The following CTNND2 variants were observed in gnomAD, a reference collection of about 807,000 sequenced individuals.
The protein encoded by CTNND2 is catenin delta 2.
Under a neutral mutation model 144.4 loss-of-function variants are expected in CTNND2, and 22 were observed. The ratio of observed to expected loss-of-function variants is 0.15; its 90% confidence interval spans 0.11 to 0.22. The LOEUF (loss-of-function observed/expected upper bound fraction) is 0.22. CTNND2 is among the 10% of genes least tolerant of loss of function. The pLI is 1.00. For synonymous variants in CTNND2, 751 were observed against 695.6 expected (o/e 1.08, Z -1.25); for missense variants, 1,353 against 1,618.8 (o/e 0.84, Z 2.82).
At chr5:11,314,075 G>A (rs559257120) in intron 9 of CTNND2, among the ~76,000 whole-genome samples, 1 of 152,252 alleles carries the variant, frequency 6.6e-6, no homozygotes, top group East Asian at 1.9e-4. Flanking sequence ...GGGACACAGA[G>A]TCAAACCATA....
chr5:11,475,268 G>A (rs181116556), intron 3 of CTNND2, among the ~76,000 whole-genome samples: 19 of 152,330 alleles, frequency 1.2e-4, no homozygotes, highest in Middle Eastern at 6.8e-3. Flanking sequence ...TCAAAGCTTG[G>A]TCAAGTAGCC....
At chr5:11,124,265 G>A (rs185389112) in intron 12 of CTNND2, among the ~76,000 whole-genome samples, 13 of 152,194 alleles carry the variant, frequency 8.5e-5, no homozygotes, top group African/African-American at 1.2e-4. Context: ...CAGCCAAATC[G>A]ATTATCAAGT....
At chr5:11,834,508 T>C (rs1419335539) in intron 1 of CTNND2, among the ~76,000 whole-genome samples, 1 of 152,154 alleles carries the variant, frequency 6.6e-6, no homozygotes, top group Non-Finnish European at 1.5e-5. Context: ...CCATAATATA[T>C]ACATGTAACA....
intron 3 of CTNND2, among the ~76,000 whole-genome samples, chr5:11,544,595 A>G (rs182108936): frequency 6.6e-6 from 1 of 152,392 alleles, no homozygotes; most frequent in East Asian, 1.9e-4. Flanking sequence ...GTGGAATACT[A>G]CTCAGCAAAA....
chr5:11,291,968 T>A (rs1290955460), intron 9 of CTNND2, among the ~76,000 whole-genome samples: 1 of 151,972 alleles, frequency 6.6e-6, no homozygotes, highest in East Asian at 1.9e-4. Flanking sequence ...AAATTCCACA[T>A]CCTGACCTAT....
intron 3 of CTNND2, among the ~76,000 whole-genome samples, chr5:11,552,001 C>T (rs1775806960): frequency 6.6e-6 from 1 of 152,128 alleles, no homozygotes; most frequent in South Asian, 2.1e-4. Flanking sequence ...TGATCCTGGC[C>T]TCAAGTGATC....
intron 2 of CTNND2, among the ~76,000 whole-genome samples, chr5:11,639,939 C>G (rs568101186): frequency 6.6e-6 from 1 of 152,270 alleles, no homozygotes; most frequent in East Asian, 1.9e-4. Flanking sequence ...CCCACAGAAC[C>G]TCAACAAGAG....
chr5:11,673,129 G>A (rs1783991614), intron 2 of CTNND2, among the ~76,000 whole-genome samples: 1 of 152,114 alleles, frequency 6.6e-6, no homozygotes, highest in South Asian at 2.1e-4. Context: ...ATACTCATGG[G>A]TTTTACAATC....
intron 20 of CTNND2, chr5:10,986,862 G>A (rs1481565488): frequency 3.2e-5 from 11 of 345,914 alleles, no homozygotes; most frequent in South Asian, 1.7e-4. Context: ...ATTTATCTTC[G>A]CTGTCCTGGT....
intron 2 of CTNND2, among the ~76,000 whole-genome samples, chr5:11,708,163 C>A (rs1350889532): frequency 1.3e-5 from 2 of 151,972 alleles, no homozygotes; most frequent in Non-Finnish European, 2.9e-5. Context: ...CCTCCCACTT[C>A]AGCCTCCCAA....
intron 2 of CTNND2, among the ~76,000 whole-genome samples, chr5:11,622,113 G>C (rs575527298): frequency 6.6e-6 from 1 of 152,202 alleles, no homozygotes; most frequent in Admixed American, 6.5e-5. Context: ...TAAGACAGAA[G>C]AACATCACCC....
chr5:11,313,909 G>C (rs571957261), intron 9 of CTNND2, among the ~76,000 whole-genome samples: 1 of 152,082 alleles, frequency 6.6e-6, no homozygotes, highest in Non-Finnish European at 1.5e-5. Flanking sequence ...CGAGCAAATG[G>C]GGAAGTGCCA....
chr5:11,070,105 G>A (rs986357640), intron 16 of CTNND2, among the ~76,000 whole-genome samples: 6 of 152,034 alleles, frequency 3.9e-5, no homozygotes, highest in Admixed American at 1.3e-4. Flanking sequence ...CAATATGACC[G>A]AAAATTAAGA....
intron 2 of CTNND2, among the ~76,000 whole-genome samples, chr5:11,651,413 T>C (rs781730158): frequency 1.3e-5 from 2 of 152,212 alleles, no homozygotes; most frequent in African/African-American, 4.8e-5. Context: ...ACAGCCATCA[T>C]AGAGAACTTC....
At chr5:11,038,103 C>T (rs936795770) in intron 16 of CTNND2, among the ~76,000 whole-genome samples, 4 of 152,136 alleles carry the variant, frequency 2.6e-5, no homozygotes, top group Admixed American at 1.3e-4. Flanking sequence ...ATGACAAGCT[C>T]ATTTAAAATG....
At chr5:11,316,825 A>AT (rs1030347149) in intron 9 of CTNND2, among the ~76,000 whole-genome samples, 3 of 152,006 alleles carry the variant, frequency 2.0e-5, no homozygotes, top group African/African-American at 7.3e-5. Context: ...TGAACTCATC[A>AT]TTTTTTATGG....
intron 19 of CTNND2, among the ~76,000 whole-genome samples, chr5:10,992,261 C>T (rs980398084): frequency 1.3e-5 from 2 of 152,196 alleles, no homozygotes; most frequent in Admixed American, 6.5e-5. Context: ...ACGGAAACCC[C>T]GGATTTGCAG....
At chr5:11,147,401 G>C (rs1286700591) in intron 12 of CTNND2, among the ~76,000 whole-genome samples, 1 of 152,124 alleles carries the variant, frequency 6.6e-6, no homozygotes, top group African/African-American at 2.4e-5. Flanking sequence ...ACATGTAAAG[G>C]TCCTGAGGTA....
chr5:11,569,813 C>A (rs1246295163), intron 2 of CTNND2, among the ~76,000 whole-genome samples: 1 of 152,100 alleles, frequency 6.6e-6, no homozygotes, highest in Non-Finnish European at 1.5e-5. Context: ...TGCTATCCCT[C>A]AAGATGAGGG....
Sources: gnomAD v4.1 joint callset for allele counts (sites outside exome capture counted in the v4.1 genomes callset) on GRCh38, gnomAD v4.1.1 for gene constraint, MANE v1.5 for transcripts, NCBI Gene and HGNC (gene_info 2026-07-23, HGNC 2026-07-21) for gene names.